The following LMF1 variants were observed in gnomAD, a reference collection of about 807,000 sequenced individuals.
The protein encoded by LMF1 is lipase maturation factor 1.
LMF1 carries 68 observed loss-of-function variants against 60.6 expected under a neutral mutation model. That is an observed-to-expected ratio of 1.12 (90% CI 0.92 to 1.37). The LOEUF is 1.37. Among genes scored for constraint, LMF1 ranks in the 40% most tolerant of loss-of-function variants. The pLI is 0.00. For synonymous variants in LMF1, 418 were observed against 324.7 expected (o/e 1.29, Z -3.09); for missense variants, 948 against 767.2 (o/e 1.24, Z -2.78).
At position 863,980 on chromosome 16, in the gene LMF1, TGGTGCTCCTTTA is replaced by T. The variant is rs1248531848; in HGVS notation, c.1529+4952_1529+4963del. 1.8e-4 allele frequency among the ~76,000 whole-genome samples: 27 copies of T among 152,088 alleles called. 1 individual carries two copies. The South Asian group carries it at 5.4e-3, about 30-fold the overall frequency. Reference sequence around the variant, plus strand: ...ATCATTAGGCCCTGCCTGTCGATGATGGTGCTCCTTTATGTTCTTGCTGAATTTCCATCTAGT... The same window carrying T: ...ATCATTAGGCCCTGCCTGTCGATGATTGTTCTTGCTGAATTTCCATCTAGT... On this transcript the variant is annotated intron_variant, in intron 10 of 10. Transcript: ENST00000262301.
At chr16:868,140 G>A (rs556012533) in intron 10 of LMF1, among the ~76,000 whole-genome samples, 1 of 152,204 alleles carries the variant, frequency 6.6e-6, no homozygotes, top group East Asian at 1.9e-4. Context: ...ACAAACGCTT[G>A]TCAGAGTGGC....
intron 5 of LMF1, among the ~76,000 whole-genome samples, chr16:888,546 C>T (rs899030964): frequency 1.3e-5 from 2 of 152,210 alleles, no homozygotes; most frequent in Admixed American, 1.3e-4. Context: ...GCAGCTAGTG[C>T]CATCCCTGCT....
At position 955,032 on chromosome 16, in the gene LMF1, T is replaced by TAC. The variant is rs1161913606; in HGVS notation, c.194-368_194-367dup. On this transcript the variant is annotated intron_variant, in intron 1 of 10. Transcript: ENST00000262301. The stretch of plus-strand genomic sequence containing the variant: ...GCCTGCAGCAGATGCGGTGTGTGCA[T>TAC]ACACACACACACATCTAAGTAAACT... 1.1e-4 allele frequency among the ~76,000 whole-genome samples: 14 copies of TAC among 130,402 alleles called. 1 individual carries two copies. Among genetic ancestry groups the TAC allele is most frequent in the South Asian group, 2.5e-4 (1 of 3,946 alleles). 85.5% of individuals were successfully genotyped at this position (130,402 alleles called of 152,430 possible).
chr16:886,882 G>A (rs1354808438), intron 5 of LMF1: 3 of 123,354 alleles, frequency 2.4e-5, no homozygotes, highest in Non-Finnish European at 5.3e-5. Flanking sequence ...CTAGGCCCCC[G>A]GCATTCCCCA....
At chr16:943,265 G>A (rs1165939730) in intron 2 of LMF1, among the ~76,000 whole-genome samples, 1 of 151,834 alleles carries the variant, frequency 6.6e-6, no homozygotes, top group African/African-American at 2.4e-5. Context: ...CAGCTACTCA[G>A]GAGGCTGAGG....
rs2071605226 is a variant in LMF1, at chr16:926,417, ATC to A, written c.514+7825_514+7826del. Among the ~76,000 whole-genome samples the A allele has an allele frequency of 2.0e-5, 3 of 151,734 alleles. No homozygotes were observed. In the South Asian group the frequency reaches 6.2e-4, roughly 31 times the overall value. ...TAGTTTGCGTATGATCTGCATATGC[ATC>A]TGTGTATGTCCATGTGTGCTCGTGT... On this transcript the variant is annotated intron_variant, in intron 3 of 10. Coordinates refer to ENST00000262301, the MANE Select transcript of LMF1 (RefSeq NM_022773.4).
chr16:895,450 CG>C (rs2151735086), intron 4 of LMF1, among the ~76,000 whole-genome samples: 1 of 152,300 alleles, frequency 6.6e-6, no homozygotes, highest in East Asian at 1.9e-4. Context: ...GGAGGGCCTT[CG>C]GGGCGGCCGT....
rs557941123 is a variant in LMF1, at chr16:870,512, G to A, written c.1232+217C>T. ...CAGCCCACCTGCCTGGTGACCTCGG[G>A]CCCTGCCCCTTTGCCTCATGGGACC... On this transcript the variant is annotated intron_variant, in intron 8 of 10. Coordinates refer to ENST00000262301, the MANE Select transcript of LMF1 (RefSeq NM_022773.4). Among the ~76,000 whole-genome samples the A allele has an allele frequency of 9.8e-5, 15 of 152,346 alleles. No homozygotes were observed. The South Asian group carries it at 3.1e-3, about 32-fold the overall frequency.
At chr16:877,210 C>T (rs555439830) in intron 6 of LMF1, among the ~76,000 whole-genome samples, 53 of 152,300 alleles carry the variant, frequency 3.5e-4, no homozygotes, top group East Asian at 2.9e-3. Flanking sequence ...CCTGTAGTCC[C>T]GGCTACTTGA....
intron 9 of LMF1, 148 bp downstream of exon 9, chr16:869,735 C>T (rs2069720875): frequency 3.5e-6 from 3 of 860,126 alleles, no homozygotes; most frequent in Non-Finnish European, 3.6e-6. Context: ...GTCGTGTGGG[C>T]TCAGTTCTCA....
chr16:888,981 G>GAC (rs1439625751), intron 5 of LMF1, among the ~76,000 whole-genome samples: 6 of 152,206 alleles, frequency 3.9e-5, no homozygotes, highest in African/African-American at 1.4e-4. Context: ...CGGTGCTGAG[G>GAC]ACATGGCTCT....
At chr16:977,443 T>A (rs1240248703) in intron 1 of LMF1, among the ~76,000 whole-genome samples, 1 of 152,178 alleles carries the variant, frequency 6.6e-6, no homozygotes, top group Non-Finnish European at 1.5e-5. Flanking sequence ...CAGCCTGTAG[T>A]CACTCTGTCT....
At chr16:898,473 G>T (rs907754735) in intron 4 of LMF1, among the ~76,000 whole-genome samples, 1 of 152,248 alleles carries the variant, frequency 6.6e-6, no homozygotes, top group Non-Finnish European at 1.5e-5. Flanking sequence ...CACCTGAACT[G>T]CTCCTTCCCC....
At chr16:970,151 G>A (rs911944038) in intron 1 of LMF1, among the ~76,000 whole-genome samples, 3 of 152,236 alleles carry the variant, frequency 2.0e-5, no homozygotes, top group Non-Finnish European at 2.9e-5. Context: ...GACTGAGCTA[G>A]TCGAGAACAC....
chr16:871,114 C>A lies in LMF1; in HGVS notation c.1078+47G>T, dbSNP rs748497824. On this transcript the variant is annotated intron_variant, in intron 7 of 10. Coordinates refer to ENST00000262301, the MANE Select transcript of LMF1 (RefSeq NM_022773.4). ...GGCAGGCTGTGGGGCTGGCACCACC[C>A]GACTTTCTCCTGCCCTTGGGCAGGG... The A allele has an allele frequency of 4.7e-6, 7 of 1,500,102 alleles. No individual in the cohort carries two copies. The African/African-American group carries it at 9.7e-5, about 21-fold the overall frequency. The allele number at this position is 1,500,102 out of a possible 1,614,324, so 92.9% of individuals were successfully genotyped here.
At chr16:879,809 T>G in intron 5 of LMF1, 72 bp from the exon 6 acceptor site, 2 of 1,450,574 alleles carry the variant, frequency 1.4e-6, no homozygotes, top group East Asian at 2.5e-5. Flanking sequence ...GGCTTGTGGG[T>G]CCCTGGCCCC....
At chr16:938,702 A>G (rs2072011068) in intron 2 of LMF1, among the ~76,000 whole-genome samples, 1 of 152,208 alleles carries the variant, frequency 6.6e-6, no homozygotes. Context: ...CACCAAGTGC[A>G]TGTGTGGCTC....
Position 879,726 on chromosome 16 carries a change from C to T in LMF1, c.741G>A (p.Met247Ile). The T allele has an allele frequency of 6.3e-7, 1 of 1,589,184 alleles. No individual in the cohort carries two copies. The highest frequency in any genetic ancestry group is 8.6e-7 in the Non-Finnish European group (1 of 1,168,306). Residue 247 changes from methionine to isoleucine, a missense_variant, in exon 6 of 11, where the codon ATG (methionine) becomes ATA (isoleucine). Coordinates refer to ENST00000262301, the MANE Select transcript of LMF1 (RefSeq NM_022773.4). The part of the protein sequence containing the change: ...CMDFHYETQP[M>I]PNPVAYYLHH... ...GCAGGTAGTACGCCACAGGATTGGG[C>T]ATCGGCTGGGTCTGCAGGGACAGGA...
chr16:856,711 G>T (rs77411182), intron 10 of LMF1, among the ~76,000 whole-genome samples: 3,159 of 152,358 alleles, frequency 0.021, 109 homozygotes, highest in African/African-American at 0.072. Context: ...GTGGGAAGGG[G>T]CCCCAGGCCC....
Sources: allele counts gnomAD v4.1 joint callset (sites outside exome capture counted in the v4.1 genomes callset), GRCh38; gene constraint gnomAD v4.1.1; transcripts MANE v1.5; gene names NCBI Gene and HGNC (gene_info 2026-07-23, HGNC 2026-07-21).